ESRRB: variants seen among roughly 807,000 people sequenced by gnomAD.
ESRRB encodes the protein steroid hormone receptor ERR2.
A neutral mutation model predicts 46.0 loss-of-function variants in ESRRB; 16 were observed. That is an observed-to-expected ratio of 0.35 (90% CI 0.24 to 0.53). The LOEUF is 0.53. Among genes scored for constraint, ESRRB ranks in the 20% least tolerant of loss-of-function variants. The probability of loss-of-function intolerance (pLI) is 0.93; values close to 1 mark genes in which losing one functional copy is unlikely to be tolerated. For synonymous variants in ESRRB, 246 were observed against 259.6 expected (o/e 0.95, Z 0.50); for missense variants, 488 against 607.4 (o/e 0.80, Z 2.07).
At chr14:76,466,684 G>T (rs536167958) in intron 3 of ESRRB, among the ~76,000 whole-genome samples, 4 of 151,954 alleles carry the variant, frequency 2.6e-5, no homozygotes, top group Non-Finnish European at 2.9e-5. Context: ...CCTGTGTTCT[G>T]CCCCTGGTTA....
intron 1 of ESRRB, among the ~76,000 whole-genome samples, chr14:76,334,328 C>T (rs1595047865): frequency 6.6e-6 from 1 of 152,086 alleles, no homozygotes; most frequent in East Asian, 1.9e-4. Flanking sequence ...GGAGAGAGAA[C>T]TCTAAGGGCC....
At chr14:76,334,447 C>T (rs1884102271) in intron 1 of ESRRB, among the ~76,000 whole-genome samples, 1 of 152,230 alleles carries the variant, frequency 6.6e-6, no homozygotes, top group African/African-American at 2.4e-5. Flanking sequence ...AAAACTGTTG[C>T]AGCCTCGCGC....
intron 1 of ESRRB, among the ~76,000 whole-genome samples, chr14:76,311,623 G>T (rs1883735325): frequency 6.6e-6 from 1 of 152,230 alleles, no homozygotes; most frequent in Admixed American, 6.5e-5. Flanking sequence ...AGGGAACTTG[G>T]CTGGGGACTG....
At chr14:76,435,359 T>C (rs1434778374) in intron 1 of ESRRB, among the ~76,000 whole-genome samples, 1 of 152,242 alleles carries the variant, frequency 6.6e-6, no homozygotes, top group Admixed American at 6.5e-5. Flanking sequence ...TTTCTGGCAC[T>C]CTGTGCACTT....
intron 1 of ESRRB, among the ~76,000 whole-genome samples, chr14:76,354,150 C>T (rs1397592251): frequency 1.3e-5 from 2 of 151,354 alleles, no homozygotes; most frequent in African/African-American, 4.9e-5. Flanking sequence ...CTGGAATGCC[C>T]TTCCTCACCC....
intron 1 of ESRRB, among the ~76,000 whole-genome samples, chr14:76,438,937 C>T (rs566279255): frequency 1.3e-5 from 2 of 151,694 alleles, no homozygotes; most frequent in East Asian, 3.9e-4. Context: ...GTAGCTGGGA[C>T]TACAGGCATA....
chr14:76,382,105 T>C (rs920921632), intron 1 of ESRRB, among the ~76,000 whole-genome samples: 1 of 152,104 alleles, frequency 6.6e-6, no homozygotes, highest in African/African-American at 2.4e-5. Context: ...CCTCGAAACA[T>C]CAAAAGCCGT....
At chr14:76,447,745 C>T (rs1888212710) in intron 2 of ESRRB, among the ~76,000 whole-genome samples, 1 of 152,088 alleles carries the variant, frequency 6.6e-6, no homozygotes. Context: ...AACTAACATC[C>T]CAGTGGCCAA....
At chr14:76,438,142 G>T (rs1160566472) in intron 1 of ESRRB, among the ~76,000 whole-genome samples, 3 of 152,092 alleles carry the variant, frequency 2.0e-5, no homozygotes, top group African/African-American at 7.2e-5. Context: ...GAGGGTTTGG[G>T]AGCCACCTTC....
intron 1 of ESRRB, among the ~76,000 whole-genome samples, chr14:76,424,574 G>C (rs776939641): frequency 6.6e-6 from 1 of 152,248 alleles, no homozygotes; most frequent in Admixed American, 6.5e-5. Context: ...TGTGTGATCA[G>C]AGTGGAGGTC....
chr14:76,410,101 G>A (rs1268171128), intron 1 of ESRRB, among the ~76,000 whole-genome samples: 1 of 152,118 alleles, frequency 6.6e-6, no homozygotes, highest in Non-Finnish European at 1.5e-5. Flanking sequence ...GCACACGCCT[G>A]TATTCCCAGC....
chr14:76,482,840 T>G lies in ESRRB; in HGVS notation c.850+81T>G. On this transcript the variant is annotated intron_variant, in intron 5 of 6. Coordinates refer to ENST00000644823, the MANE Select transcript of ESRRB (RefSeq NM_001379180.1). This position sits in a 1 kb window ranked among gnomAD's most constrained non-coding sequence, Gnocchi z 4.3. ...GCAGCCTACCCAATGGCTGTGCTTC[T>G]GATGCCCGGATCCTGGACCCCAGAA... 1 of 1,551,524 alleles carries G rather than the reference T, an allele frequency of 6.4e-7. No individual in the cohort carries two copies. Among genetic ancestry groups the G allele is most frequent in the Non-Finnish European group, 8.8e-7 (1 of 1,130,384 alleles).
chr14:76,452,181 C>G (rs551865548), intron 2 of ESRRB, among the ~76,000 whole-genome samples: 259 of 151,980 alleles, frequency 1.7e-3, no homozygotes, highest in Middle Eastern at 6.8e-3. Context: ...ACCTCATGAG[C>G]CACCTGCCTT....
At chr14:76,358,558 G>A (rs1884426226) in intron 1 of ESRRB, among the ~76,000 whole-genome samples, 1 of 151,978 alleles carries the variant, frequency 6.6e-6, no homozygotes, top group Non-Finnish European at 1.5e-5. Context: ...TCAGTTAACT[G>A]TATGCTTAGG....
intron 2 of ESRRB, among the ~76,000 whole-genome samples, chr14:76,457,453 G>GT (rs5809758): frequency 0.027 from 3,872 of 146,046 alleles, 65 homozygotes; most frequent in Admixed American, 0.052. Flanking sequence ...AGCAGGATGA[G>GT]TTTTTTTTTT....
At chr14:76,366,535 C>A (rs1884524151), upstream of ESRRB, among the ~76,000 whole-genome samples, 1 of 152,210 alleles carries the variant, frequency 6.6e-6, no homozygotes, top group East Asian at 1.9e-4. Flanking sequence ...CTTTAAGCTA[C>A]CGTCACTTGA....
rs576589101 is a variant in ESRRB at position 76,311,795 on chromosome 14, C to T, written c.2+879C>T. Among the ~76,000 whole-genome samples the T allele has an allele frequency of 2.6e-5, 4 of 152,270 alleles. No homozygotes were observed. In the South Asian group the frequency reaches 8.3e-4, roughly 32 times the overall value. ...GTGCCGGCTCTGAGTGCACCTCGGG[C>T]GGCTCTAGATGGGGCCTTCCCGGCC... On this transcript the variant is annotated intron_variant, in intron 1 of 6. Coordinates refer to the ESRRB transcript ENST00000512784.
chr14:76,479,840 T>C (rs535932485), intron 3 of ESRRB, among the ~76,000 whole-genome samples: 1 of 152,314 alleles, frequency 6.6e-6, no homozygotes, highest in South Asian at 2.1e-4. Context: ...CTTCCAACAG[T>C]TTCCGTATTC....
chr14:76,343,031 C>G (rs1312812032), intron 1 of ESRRB, among the ~76,000 whole-genome samples: 1 of 152,138 alleles, frequency 6.6e-6, no homozygotes, highest in Admixed American at 6.5e-5. Flanking sequence ...AGAAGATCCC[C>G]TAGACAGGGC....
Sources: allele counts gnomAD v4.1 joint callset (sites outside exome capture counted in the v4.1 genomes callset), GRCh38; gene constraint gnomAD v4.1.1; non-coding constraint Gnocchi (gnomAD v3.1); transcripts MANE v1.5; gene names NCBI Gene and HGNC (gene_info 2026-07-23, HGNC 2026-07-21).